LYPLAL1: variants seen among roughly 807,000 people sequenced by gnomAD.
LYPLAL1 encodes lysophospholipase-like protein 1.
A neutral mutation model predicts 19.7 loss-of-function variants in LYPLAL1; 23 were observed. The ratio of observed to expected loss-of-function variants is 1.17; its 90% CI spans 0.84 to 1.65. LYPLAL1 has a LOEUF of 1.65. Among genes scored for constraint, LYPLAL1 ranks in the 40% most tolerant of loss-of-function variants. LYPLAL1 has a pLI of 0.00. For missense variants in LYPLAL1, 355 were observed against 279.4 expected (o/e 1.27, Z -1.93); for synonymous variants, 119 against 96.3 (o/e 1.24, Z -1.38).
At chr1:219,354,663 T>A in the LYPLAL1 span, among the ~76,000 whole-genome samples, 1 of 152,210 alleles carries the variant, frequency 6.6e-6, no homozygotes, top group Non-Finnish European at 1.5e-5. Flanking sequence ...AACAACGCAT[T>A]ATGTACTGGC....
the LYPLAL1 span, among the ~76,000 whole-genome samples, chr1:219,401,028 TA>T: frequency 1.5e-4 from 23 of 152,320 alleles, no homozygotes; most frequent in Middle Eastern, 3.4e-3. Flanking sequence ...AAGAAGAGAT[TA>T]GAAGTTTTAT....
At chr1:219,193,017 A>G (rs1657302056) in intron 2 of LYPLAL1, 65 bp from the exon 3 acceptor site, 2 of 1,451,074 alleles carry the variant, frequency 1.4e-6, no homozygotes, top group Admixed American at 4.5e-5. Flanking sequence ...TTTGGTAATT[A>G]AAGCATCCAT....
intron 2 of LYPLAL1, among the ~76,000 whole-genome samples, chr1:219,183,291 A>C (rs111363821): frequency 6.6e-6 from 1 of 151,872 alleles, no homozygotes; most frequent in African/African-American, 2.4e-5. Flanking sequence ...ATCTTTTTCT[A>C]TTGATTTGTT....
the LYPLAL1 span, among the ~76,000 whole-genome samples, chr1:219,432,473 A>T: frequency 6.6e-6 from 1 of 152,146 alleles, no homozygotes; most frequent in Non-Finnish European, 1.5e-5. Flanking sequence ...GTGGGTGGGT[A>T]ACAGTGACTC....
the LYPLAL1 span, among the ~76,000 whole-genome samples, chr1:219,221,638 C>G: frequency 6.6e-6 from 1 of 152,162 alleles, no homozygotes; most frequent in Admixed American, 6.5e-5. Context: ...GGAGGCAAAG[C>G]CCAAAGTCTA....
At chr1:219,225,049 C>T in the LYPLAL1 span, among the ~76,000 whole-genome samples, 9 of 152,174 alleles carry the variant, frequency 5.9e-5, no homozygotes, top group East Asian at 1.7e-3. Flanking sequence ...TGTGGAAGGT[C>T]CTTTTGACTC....
chr1:219,413,387 C>G, the LYPLAL1 span, among the ~76,000 whole-genome samples: 7 of 152,204 alleles, frequency 4.6e-5, no homozygotes, highest in African/African-American at 1.7e-4. Context: ...CGGACTGCCA[C>G]TGATCCATGT....
At chr1:219,391,241 A>G in the LYPLAL1 span, among the ~76,000 whole-genome samples, 2 of 152,078 alleles carry the variant, frequency 1.3e-5, no homozygotes, top group African/African-American at 4.8e-5. Flanking sequence ...TCCTCCATGG[A>G]CTGCTATCGT....
chr1:219,357,318 A>G, the LYPLAL1 span, among the ~76,000 whole-genome samples: 3 of 152,206 alleles, frequency 2.0e-5, no homozygotes, highest in South Asian at 6.2e-4. Context: ...TGGCAACAAC[A>G]TTTTATGTAT....
At chr1:219,395,603 T>C in the LYPLAL1 span, among the ~76,000 whole-genome samples, 4 of 152,214 alleles carry the variant, frequency 2.6e-5, no homozygotes, top group Admixed American at 6.5e-5. Context: ...TTTTACTGTG[T>C]AGAAGCTCTT....
At chr1:219,174,351 G>C in intron 1 of LYPLAL1, 2 of 1,036,660 alleles carry the variant, frequency 1.9e-6, no homozygotes, top group Non-Finnish European at 2.4e-6. Flanking sequence ...TTCATTATCA[G>C]CTACTAGTGA....
the LYPLAL1 span, among the ~76,000 whole-genome samples, chr1:219,375,867 G>A: frequency 2.6e-5 from 4 of 151,376 alleles, no homozygotes; most frequent in Admixed American, 2.0e-4. Context: ...TTAGCCTCCC[G>A]AGTAGCTGGG....
chr1:219,229,294 TGAGAGAGAGAGAGA>T, the LYPLAL1 span, among the ~76,000 whole-genome samples: 37,168 of 132,944 alleles, frequency 0.28, 6,252 homozygotes, highest in Non-Finnish European at 0.38. Context: ...ACAAGCATTT[TGAGAGAGAGAGAGA>T]GAGAGAGAGA....
the LYPLAL1 span, among the ~76,000 whole-genome samples, chr1:219,229,248 C>G: frequency 6.7e-6 from 1 of 149,592 alleles, no homozygotes; most frequent in South Asian, 2.1e-4. Context: ...GGTGTGGTCC[C>G]TGACTAGGGC....
chr1:219,328,594 A>G, the LYPLAL1 span, among the ~76,000 whole-genome samples: 1 of 152,218 alleles, frequency 6.6e-6, no homozygotes, highest in Admixed American at 6.5e-5. Flanking sequence ...TACTTGATAT[A>G]GAAATAAATT....
the LYPLAL1 span, among the ~76,000 whole-genome samples, chr1:219,294,187 C>A: frequency 6.6e-6 from 1 of 152,200 alleles, no homozygotes. Context: ...TGAAGATGCT[C>A]CTGAGAGGGC....
chr1:219,326,361 T>G, the LYPLAL1 span, among the ~76,000 whole-genome samples: 1 of 152,066 alleles, frequency 6.6e-6, no homozygotes, highest in African/African-American at 2.4e-5. Context: ...CCACAAGAAT[T>G]TTCTTAAGGT....
At chr1:219,355,318 C>T in the LYPLAL1 span, among the ~76,000 whole-genome samples, 61 of 151,874 alleles carry the variant, frequency 4.0e-4, no homozygotes, top group Non-Finnish European at 7.4e-4. Context: ...GATATATTCA[C>T]GGATAAGCAA....
At chr1:219,198,613 C>T (rs1657810066) in intron 3 of LYPLAL1, 1 of 151,934 alleles carries the variant, frequency 6.6e-6, no homozygotes, top group Non-Finnish European at 1.5e-5. Context: ...TTTTCTTATT[C>T]TTTACCTTAA....
Sources: allele counts gnomAD v4.1 joint callset (sites outside exome capture counted in the v4.1 genomes callset), GRCh38; gene constraint gnomAD v4.1.1; transcripts MANE v1.5; gene names NCBI Gene and HGNC (gene_info 2026-07-23, HGNC 2026-07-21).